The following THAP4 variants were observed in gnomAD, a reference collection of about 807,000 sequenced individuals.
The protein encoded by THAP4 is THAP domain containing 4.
THAP4 carries 18 observed loss-of-function variants against 48.1 expected under a neutral mutation model. The observed-to-expected ratio is 0.37, with a 90% CI of 0.26 to 0.56. THAP4 has a LOEUF of 0.56. THAP4 is among the 20% of genes least tolerant of loss of function. The pLI is 0.78. For synonymous variants in THAP4, 345 were observed against 324.9 expected (o/e 1.06, Z -0.66); for missense variants, 656 against 774.9 (o/e 0.85, Z 1.82).
chr2:241,601,097 G>A lies in THAP4; in HGVS notation c.1614+799C>T, dbSNP rs1004657587. 2.6e-5 allele frequency among the ~76,000 whole-genome samples: 4 copies of A among 152,128 alleles called. No individual in the cohort carries two copies. The highest frequency in any genetic ancestry group is 4.4e-5 in the Non-Finnish European group (3 of 68,018). On this transcript the variant is annotated intron_variant, in intron 5 of 5. Transcript: ENST00000407315. The surrounding 1 kb of genome is among the most constrained non-coding windows in gnomAD (Gnocchi z 4.0). The stretch of plus-strand genomic sequence containing the variant: ...AATTCAAGACCAGCCTGACCAACAT[G>A]GAGAAACCCTGTCTCTACTAATAAT...
chr2:241,606,292 G>C lies in THAP4; in HGVS notation c.1400+22C>G, dbSNP rs1268201407. On this transcript the variant is annotated intron_variant, in intron 3 of 5. Transcript: ENST00000407315. The stretch of plus-strand genomic sequence containing the variant: ...AGGCGGCCCATGAGTCAAGCAGGGT[G>C]GGGTGGAGGGAGACAACTTACGAGA... 2.6e-6 allele frequency: 4 copies of C among 1,539,172 alleles called. No individual in the cohort carries two copies. The Admixed American group carries it at 6.0e-5, about 23-fold the overall frequency.
At chr2:241,631,940 C>T (rs772128930) in intron 2 of THAP4, among the ~76,000 whole-genome samples, 82 of 149,814 alleles carry the variant, frequency 5.5e-4, no homozygotes, top group Non-Finnish European at 1.6e-4. Context: ...CTCTTTGTCA[C>T]GCAGGCTGAC....
At chr2:241,622,858 C>A (rs778899443) in intron 2 of THAP4, among the ~76,000 whole-genome samples, 1 of 152,200 alleles carries the variant, frequency 6.6e-6, no homozygotes, top group Non-Finnish European at 1.5e-5. Flanking sequence ...ACACCTCAGC[C>A]TCTCAAAGCT....
At chr2:241,621,627 A>G (rs1172977041) in intron 2 of THAP4, among the ~76,000 whole-genome samples, 2 of 152,216 alleles carry the variant, frequency 1.3e-5, no homozygotes, top group African/African-American at 2.4e-5. Flanking sequence ...GGAAAAAAAA[A>G]ATCAGAATAT....
upstream of THAP4, chr2:241,637,390 A>G: frequency 7.0e-7 from 1 of 1,420,784 alleles, no homozygotes; most frequent in Non-Finnish European, 9.3e-7. Context: ...ACGGGGACAG[A>G]GCTCGCCTCT....
intron 2 of THAP4, among the ~76,000 whole-genome samples, chr2:241,613,666 G>A (rs1575030308): frequency 6.6e-6 from 1 of 152,148 alleles, no homozygotes; most frequent in East Asian, 1.9e-4. Flanking sequence ...GAGGTGGGAG[G>A]ATCGCTTGGG....
intron 1 of THAP4, among the ~76,000 whole-genome samples, chr2:241,635,386 GT>G (rs2067622785): frequency 1.3e-5 from 2 of 152,368 alleles, no homozygotes; most frequent in South Asian, 4.1e-4. Flanking sequence ...TGAATAGGAT[GT>G]TTAGTCATTT....
chr2:241,637,248 CG>C (rs2067688813), upstream of THAP4: 1 of 1,045,470 alleles, frequency 9.6e-7, no homozygotes, highest in Non-Finnish European at 1.2e-6. Context: ...TTCGGACCAG[CG>C]GGGCGCCGCA....
chr2:241,617,868 T>G (rs1253742821), intron 2 of THAP4, among the ~76,000 whole-genome samples: 3 of 152,158 alleles, frequency 2.0e-5, no homozygotes, highest in Admixed American at 6.5e-5. Flanking sequence ...CATCTTCACC[T>G]GGACATGGAG....
upstream of THAP4, chr2:241,637,432 A>G: frequency 6.8e-7 from 1 of 1,464,884 alleles, no homozygotes; most frequent in South Asian, 1.3e-5. Context: ...GGGTCCTCTA[A>G]GAGGAGGAAG....
At chr2:241,606,893 T>C (rs978327193) in intron 2 of THAP4, among the ~76,000 whole-genome samples, 2 of 152,158 alleles carry the variant, frequency 1.3e-5, no homozygotes, top group African/African-American at 2.4e-5. Context: ...TCAGGGGTCC[T>C]CCATGTCCTA....
At chr2:241,585,694 G>A (rs1327107265) in intron 5 of THAP4, among the ~76,000 whole-genome samples, 3 of 151,888 alleles carry the variant, frequency 2.0e-5, no homozygotes, top group East Asian at 3.9e-4. Context: ...GAAGCTAAGT[G>A]GGGCCTTCTC....
intron 5 of THAP4, among the ~76,000 whole-genome samples, chr2:241,595,213 C>T (rs1235917566): frequency 2.6e-5 from 4 of 152,086 alleles, no homozygotes. Context: ...TGGGGTTTCA[C>T]CATGTTGTCC....
intron 4 of THAP4, 55 bp downstream of exon 4, chr2:241,602,915 A>C (rs905475822): frequency 2.5e-5 from 34 of 1,365,794 alleles, no homozygotes; most frequent in Non-Finnish European, 3.1e-5. Context: ...CCTGCTTCGA[A>C]TGCAGGCAGC....
upstream of THAP4, chr2:241,637,322 A>C: frequency 8.1e-7 from 1 of 1,240,460 alleles, no homozygotes; most frequent in East Asian, 7.3e-5. Context: ...CGGCGGGGCA[A>C]GTCCGTACCG....
chr2:241,637,145 C>G lies in THAP4; in HGVS notation c.-128G>C. 3.0e-6 allele frequency: 3 copies of G among 992,018 alleles called. No homozygotes were observed. The highest frequency in any genetic ancestry group is 3.6e-6 in the Non-Finnish European group (3 of 835,692). 61.5% of individuals were successfully genotyped at this position (992,018 alleles called of 1,614,324 possible). A position where few individuals can be genotyped will look rare whatever the true frequency, so the allele number is the denominator to read the frequency against. On this transcript the variant is annotated 5_prime_UTR_variant, in exon 1 of 6. Transcript: ENST00000407315. The stretch of plus-strand genomic sequence containing the variant: ...CGTGGGCCGGCCCGCGGCGTCCGCG[C>G]CGTACGGCAAGATGGAGGCGCAGGC...
chr2:241,606,380 A>G lies in THAP4; in HGVS notation c.1334T>C (p.Leu445Pro). 6.3e-7 allele frequency: 1 copy of G among 1,593,584 alleles called. No homozygotes were observed. Among genetic ancestry groups the G allele is most frequent in the Non-Finnish European group, 8.5e-7 (1 of 1,170,182 alleles). ...DPPGAGTYPT[L>P]QPFQYLEEVH... ...CTCCTCCAGGTACTGGAAGGGCTGC[A>G]GTGTGGGGTAGGTCCCGGCTCCAGG... Residue 445 changes from leucine (L) to proline (P), a missense_variant, in exon 3 of 6, where the codon CTG becomes CCG. Leu to Pro is a moderately conservative substitution (Grantham distance 98). Around this residue, in one of 4 missense-constraint regions of THAP4, gnomAD observed 176 missense variants for 256.7 expected, o/e 0.69. Coordinates refer to ENST00000407315, the MANE Select transcript of THAP4 (RefSeq NM_015963.6).
chr2:241,628,637 C>T (rs539356367), intron 2 of THAP4, among the ~76,000 whole-genome samples: 19 of 151,648 alleles, frequency 1.3e-4, no homozygotes, highest in Non-Finnish European at 2.4e-4. Context: ...CAGTCACCAG[C>T]GCCCCCCTCA....
chr2:241,615,151 G>A (rs968479572), intron 2 of THAP4, among the ~76,000 whole-genome samples: 8 of 152,214 alleles, frequency 5.3e-5, no homozygotes, highest in East Asian at 3.9e-4. Context: ...GATGAAATTC[G>A]AGACCAGGCA....
Sources: gnomAD v4.1 joint callset for allele counts (sites outside exome capture counted in the v4.1 genomes callset) on GRCh38, gnomAD v4.1.1 for gene constraint, gnomAD v4.1.1 regional missense constraint, Gnocchi (gnomAD v3.1) non-coding constraint, MANE v1.5 for transcripts, NCBI Gene and HGNC (gene_info 2026-07-23, HGNC 2026-07-21) for gene names.